PRKCA: variants seen among roughly 807,000 people sequenced by gnomAD.
PRKCA encodes protein kinase C alpha type.
In PRKCA, 27 loss-of-function variants were observed where a neutral mutation model predicts 87.0. That is an observed-to-expected ratio of 0.31 (90% CI 0.23 to 0.43). The LOEUF is 0.43. PRKCA is among the 20% of genes least tolerant of loss of function. The pLI, the probability that PRKCA is intolerant of heterozygous loss-of-function variation, is 1.00. For missense variants in PRKCA, 518 were observed against 852.3 expected (o/e 0.61, Z 4.88); for synonymous variants, 329 against 311.1 (o/e 1.06, Z -0.61).
At chr17:66,387,775 G>A (rs761735960) in intron 2 of PRKCA, among the ~76,000 whole-genome samples, 8 of 152,332 alleles carry the variant, frequency 5.3e-5, no homozygotes, top group East Asian at 1.9e-4. Flanking sequence ...AGAAGGAGCC[G>A]CAGGGGTAGG....
chr17:66,612,056 C>T (rs1970380271), intron 3 of PRKCA, among the ~76,000 whole-genome samples: 1 of 142,834 alleles, frequency 7.0e-6, no homozygotes, highest in Non-Finnish European at 1.5e-5. Context: ...TTTTATTTTA[C>T]ACATATCTCA....
intron 2 of PRKCA, among the ~76,000 whole-genome samples, chr17:66,377,476 T>C (rs1909489400): frequency 6.7e-6 from 1 of 150,190 alleles, no homozygotes; most frequent in South Asian, 2.1e-4. Flanking sequence ...TATATAGATA[T>C]ACGTGTATAT....
chr17:66,773,880 C>T lies in PRKCA; in HGVS notation c.1525-107C>T, dbSNP rs1974992138. The stretch of plus-strand genomic sequence containing the variant: ...ACATCAAAGACAGATCTTAGCACCT[C>T]ATCTGCATGAACTGAGTGTATAAAT... On this transcript the variant is annotated intron_variant, in intron 13 of 16. Transcript: ENST00000413366. The T allele has an allele frequency of 1.9e-6, 3 of 1,540,000 alleles. No homozygotes were observed. The African/African-American group carries it at 4.1e-5, about 21-fold the overall frequency.
chr17:66,762,672 G>T (rs1358083449), intron 13 of PRKCA, among the ~76,000 whole-genome samples: 3 of 152,204 alleles, frequency 2.0e-5, no homozygotes, highest in Non-Finnish European at 4.4e-5. Flanking sequence ...AGAGGACACG[G>T]TCAGGAGACC....
At chr17:66,693,827 G>A (rs1340219074) in intron 8 of PRKCA, among the ~76,000 whole-genome samples, 2 of 152,204 alleles carry the variant, frequency 1.3e-5, no homozygotes, top group Non-Finnish European at 2.9e-5. Flanking sequence ...GAGTGTTGGT[G>A]TATTCCAATA....
intron 8 of PRKCA, among the ~76,000 whole-genome samples, chr17:66,692,538 G>T (rs1972813153): frequency 6.6e-6 from 1 of 152,176 alleles, no homozygotes; most frequent in Non-Finnish European, 1.5e-5. Flanking sequence ...AGAAAGGCTG[G>T]CATCCACATT....
At chr17:66,791,446 CA>C (rs1975532463) in intron 16 of PRKCA, among the ~76,000 whole-genome samples, 1 of 152,178 alleles carries the variant, frequency 6.6e-6, no homozygotes, top group Admixed American at 6.5e-5. Context: ...GGAACAACGA[CA>C]GTGAAGATAG....
intron 2 of PRKCA, among the ~76,000 whole-genome samples, chr17:66,335,612 T>C (rs1324870321): frequency 1.3e-5 from 2 of 152,198 alleles, no homozygotes; most frequent in African/African-American, 4.8e-5. Context: ...AACTGTGTGC[T>C]TAAAAATGGT....
At chr17:66,421,662 A>G (rs7219794) in intron 2 of PRKCA, among the ~76,000 whole-genome samples, 128,255 of 151,068 alleles carry the variant, frequency 0.85, 55,192 homozygotes, top group South Asian at 0.96. Flanking sequence ...CCTCCCAGGT[A>G]GCTGGGATTA....
chr17:66,732,142 A>C (rs758455462), intron 8 of PRKCA, among the ~76,000 whole-genome samples: 3,962 of 151,426 alleles, frequency 0.026, 57 homozygotes, highest in Non-Finnish European at 0.03. Context: ...AAAAAAAAAA[A>C]CAACCCAACC....
At chr17:66,304,726 T>C (rs1428405289) in intron 1 of PRKCA, among the ~76,000 whole-genome samples, 1 of 152,230 alleles carries the variant, frequency 6.6e-6, no homozygotes, top group Admixed American at 6.5e-5. Flanking sequence ...AAGTACACTT[T>C]TATGAAAAGC....
intron 2 of PRKCA, among the ~76,000 whole-genome samples, chr17:66,477,221 C>A (rs1915572206): frequency 6.6e-6 from 1 of 152,090 alleles, no homozygotes; most frequent in Admixed American, 6.5e-5. Flanking sequence ...CCCACAGAAA[C>A]TTCAAAAGGA....
Position 66,799,484 on chromosome 17 carries a change from ATGG to A in PRKCA, c.1855-4365_1855-4363del, listed in dbSNP as rs1397227929. Among the ~76,000 whole-genome samples the A allele has an allele frequency of 1.8e-4, 2 of 11,338 alleles. 1 individual carries two copies. The highest frequency in any genetic ancestry group is 3.8e-4 in the Non-Finnish European group (2 of 5,312). 7.4% of individuals were successfully genotyped at this position (11,338 alleles called of 152,430 possible). On this transcript the variant is annotated intron_variant, in intron 16 of 16. Coordinates refer to ENST00000413366, the MANE Select transcript of PRKCA (RefSeq NM_002737.3). ...GGTGGTGGTGATGGTGGTGGTGGTG[ATGG>A]TGGTGGTGGTGGTGGTGGTGGTGAT...
At chr17:66,321,588 T>C (rs1185020536) in intron 2 of PRKCA, among the ~76,000 whole-genome samples, 5 of 152,224 alleles carry the variant, frequency 3.3e-5, no homozygotes, top group Admixed American at 1.3e-4. Flanking sequence ...CTGTCGTCTA[T>C]GCTGGAGTGC....
intron 7 of PRKCA, 83 bp downstream of exon 7, chr17:66,688,519 G>A (rs991535854): frequency 1.3e-6 from 2 of 1,557,990 alleles, no homozygotes; most frequent in South Asian, 2.4e-5. Context: ...AATGTCAGTT[G>A]AGGCTGGACA....
intron 3 of PRKCA, among the ~76,000 whole-genome samples, chr17:66,609,386 G>T (rs17686310): frequency 2.6e-5 from 4 of 152,188 alleles, no homozygotes; most frequent in Admixed American, 6.5e-5. Context: ...AAAGTGTAAT[G>T]CGTGTCTATA....
intron 3 of PRKCA, among the ~76,000 whole-genome samples, chr17:66,619,308 C>T (rs1315755705): frequency 2.0e-5 from 3 of 152,186 alleles, no homozygotes; most frequent in African/African-American, 7.2e-5. Flanking sequence ...TAAAATTGGT[C>T]TGTGACTCTG....
intron 3 of PRKCA, among the ~76,000 whole-genome samples, chr17:66,532,366 AT>A (rs1007856270): frequency 1.0e-5 from 1 of 99,232 alleles, no homozygotes; most frequent in African/African-American, 3.9e-5. Flanking sequence ...ATTTTATTTT[AT>A]TTTTTTATTT....
chr17:66,642,118 ACT>A (rs1474363600), intron 4 of PRKCA, among the ~76,000 whole-genome samples: 1 of 148,536 alleles, frequency 6.7e-6, no homozygotes. Flanking sequence ...AACTATGAAG[ACT>A]CTTTGCTTTG....
Sources: allele counts gnomAD v4.1 joint callset (sites outside exome capture counted in the v4.1 genomes callset), GRCh38; gene constraint gnomAD v4.1.1; transcripts MANE v1.5; gene names NCBI Gene and HGNC (gene_info 2026-07-23, HGNC 2026-07-21).